KANSL2: variants seen among roughly 807,000 people sequenced by gnomAD.
KANSL2 encodes KAT8 regulatory NSL complex subunit 2.
In KANSL2, 34 loss-of-function variants were observed where a neutral mutation model predicts 55.6. The ratio of observed to expected loss-of-function variants is 0.61; its 90% CI spans 0.46 to 0.81. KANSL2 has a LOEUF of 0.81. KANSL2 is among the 40% of genes least tolerant of loss of function. KANSL2 has a pLI of 0.00. For missense variants in KANSL2, 502 were observed against 609.9 expected (o/e 0.82, Z 1.86); for synonymous variants, 209 against 214.3 (o/e 0.98, Z 0.22).
intron 2 of KANSL2, among the ~76,000 whole-genome samples, chr12:48,680,646 T>C (rs1939905070): frequency 6.6e-6 from 1 of 152,148 alleles, no homozygotes; most frequent in African/African-American, 2.4e-5. Flanking sequence ...ACAAAATTCA[T>C]GGACAGCCAA....
At chr12:48,669,527 T>G (rs1939667464) in intron 5 of KANSL2, among the ~76,000 whole-genome samples, 1 of 152,024 alleles carries the variant, frequency 6.6e-6, no homozygotes, top group African/African-American at 2.4e-5. Context: ...AAAAATTTTT[T>G]TTTTTTTTGA....
At position 48,679,827 on chromosome 12, in the gene KANSL2, G is replaced by C. The variant is rs762940013; in HGVS notation, c.258C>G (p.Ser86=). The change falls in exon 3 of 10, where the codon TCC becomes TCG. Residue 86 remains serine, a synonymous_variant. Transcript: ENST00000420613. The part of the protein sequence containing the change: ...APKPEKKDGV[S]FCAEHVRRNA... The stretch of plus-strand genomic sequence containing the variant: ...TCCTACGGACATGTTCAGCACAGAA[G>C]GACACCCTGAAGAGACAAAACATTA... 5 of 1,600,140 alleles carry C rather than the reference G, an allele frequency of 3.1e-6. No individual in the cohort carries two copies. The South Asian group carries it at 5.6e-5, about 18-fold the overall frequency.
intron 4 of KANSL2, among the ~76,000 whole-genome samples, chr12:48,675,336 G>A (rs1444524063): frequency 6.6e-6 from 1 of 152,136 alleles, no homozygotes; most frequent in Non-Finnish European, 1.5e-5. Context: ...AACCCAGGAG[G>A]CAAAGGTTGC....
At chr12:48,669,299 T>C (rs775739602) in intron 5 of KANSL2, 27 bp from the exon 6 acceptor site, 10 of 1,501,204 alleles carry the variant, frequency 6.7e-6, no homozygotes, top group East Asian at 2.4e-5. Flanking sequence ...CAAGATGTTA[T>C]TTGCCAAGCA....
Position 48,654,924 on chromosome 12 carries a change from G to T in KANSL2, c.1347+17C>A. ...GTCACTACATGAGGGAAACAGGTGG[G>T]ACTGTTCTTCACTTGCCAAAATATC... On this transcript the variant is annotated intron_variant, in intron 9 of 9. Transcript: ENST00000420613. 1 of 1,555,460 alleles carries T rather than the reference G, an allele frequency of 6.4e-7. No individual in the cohort carries two copies.
At chr12:48,669,333 G>C (rs1939663671) in intron 5 of KANSL2, 61 bp from the exon 6 acceptor site, 1 of 1,337,110 alleles carries the variant, frequency 7.5e-7, no homozygotes, top group South Asian at 1.5e-5. Flanking sequence ...ACGTCTCCAA[G>C]TCAACAAGTA....
At chr12:48,669,041 C>T (rs946971514) in intron 6 of KANSL2, 65 bp downstream of exon 6, 1 of 1,323,866 alleles carries the variant, frequency 7.6e-7, no homozygotes, top group African/African-American at 1.5e-5. Context: ...GAGACTCCGT[C>T]TCGAAAAAAT....
At chr12:48,682,081 T>G (rs988129372) in intron 1 of KANSL2, 106 bp downstream of exon 1, 2 of 702,910 alleles carry the variant, frequency 2.8e-6, no homozygotes, top group Admixed American at 2.0e-5. Context: ...GGAAGGAGAC[T>G]GACTCTGACA....
chr12:48,675,338 A>G (rs1256427654), intron 4 of KANSL2, among the ~76,000 whole-genome samples: 5 of 152,140 alleles, frequency 3.3e-5, no homozygotes, highest in Non-Finnish European at 7.4e-5. Context: ...CCCAGGAGGC[A>G]AAGGTTGCAG....
At chr12:48,670,597 T>C (rs1565607664) in intron 5 of KANSL2, among the ~76,000 whole-genome samples, 1 of 152,230 alleles carries the variant, frequency 6.6e-6, no homozygotes, top group Non-Finnish European at 1.5e-5. Context: ...AAAAAATTTT[T>C]GTACAGCTGT....
At chr12:48,675,319 T>C (rs574162170) in intron 4 of KANSL2, among the ~76,000 whole-genome samples, 23 of 152,148 alleles carry the variant, frequency 1.5e-4, no homozygotes, top group African/African-American at 4.6e-4. Context: ...GGCAGAAGAA[T>C]TGCTTGAACC....
chr12:48,673,633 G>A (rs879516152), intron 4 of KANSL2, among the ~76,000 whole-genome samples: 2 of 151,558 alleles, frequency 1.3e-5, no homozygotes, highest in Non-Finnish European at 2.9e-5. Context: ...CTGTTCTCTG[G>A]CTCTGATTTA....
intron 2 of KANSL2, among the ~76,000 whole-genome samples, chr12:48,680,656 A>T (rs1261125242): frequency 6.6e-6 from 1 of 152,148 alleles, no homozygotes; most frequent in Non-Finnish European, 1.5e-5. Flanking sequence ...TGGACAGCCA[A>T]ATAGAGCCAC....
At chr12:48,655,316 C>T (rs1939356464) in intron 8 of KANSL2, among the ~76,000 whole-genome samples, 1 of 152,168 alleles carries the variant, frequency 6.6e-6, no homozygotes, top group Non-Finnish European at 1.5e-5. Flanking sequence ...CACCTCTAAT[C>T]CCAGCACTTT....
chr12:48,678,631 C>G (rs149903389), intron 4 of KANSL2, among the ~76,000 whole-genome samples: 65 of 152,194 alleles, frequency 4.3e-4, no homozygotes, highest in African/African-American at 1.5e-3. Context: ...TTATAAATCC[C>G]ATAAACACGA....
chr12:48,656,649 T>C (rs1480773601), intron 8 of KANSL2: 2 of 486,996 alleles, frequency 4.1e-6, no homozygotes, highest in Admixed American at 2.3e-5. Context: ...CATTCTAGAC[T>C]ATGTTTCTTC....
In KANSL2 at chr12:48,681,583, G is replaced by A; in HGVS notation, c.50C>T (p.Thr17Ile). 6.2e-7 allele frequency: 1 copy of A among 1,614,016 alleles called. No homozygotes were observed. Among genetic ancestry groups the A allele is most frequent in the Non-Finnish European group, 8.5e-7 (1 of 1,179,890 alleles). Reference sequence around the variant, plus strand: ...AGGTTCCTGAGACCTGGGCACTGGAGTGATCCTCCCCCGATTGGTTGGCAA... The same window carrying A: ...AGGTTCCTGAGACCTGGGCACTGGAATGATCCTCCCCCGATTGGTTGGCAA... ...HVLPTNRGRI[T>I]PVPRSQEPLS... The change falls in exon 2 of 10, where the codon ACT becomes ATT. Residue 17 changes from threonine (T) to isoleucine (I), a missense_variant. Thr to Ile is a moderately conservative substitution (Grantham distance 89, BLOSUM62 -1). Transcript: ENST00000420613.
intron 4 of KANSL2, among the ~76,000 whole-genome samples, chr12:48,673,688 C>A (rs1939769477): frequency 6.6e-6 from 1 of 152,120 alleles, no homozygotes; most frequent in Non-Finnish European, 1.5e-5. Flanking sequence ...TAGCTCACGC[C>A]TGTAATCCCA....
intron 4 of KANSL2, among the ~76,000 whole-genome samples, chr12:48,676,397 G>A (rs541534769): frequency 1.3e-5 from 2 of 152,068 alleles, no homozygotes; most frequent in South Asian, 2.1e-4. Flanking sequence ...GCACTGGTTC[G>A]TCCCTGTAAT....
Sources: allele counts gnomAD v4.1 joint callset (sites outside exome capture counted in the v4.1 genomes callset), GRCh38; gene constraint gnomAD v4.1.1; transcripts MANE v1.5; gene names NCBI Gene and HGNC (gene_info 2026-07-23, HGNC 2026-07-21).